The following XKR6 variants were observed in gnomAD, a reference collection of about 807,000 sequenced individuals.
XKR6 encodes XK-related protein 6.
XKR6 carries 22 observed loss-of-function variants against 56.7 expected under a neutral mutation model. That is an observed-to-expected ratio of 0.39 (90% confidence interval 0.28 to 0.55). XKR6 has a LOEUF of 0.55. Ranked by LOEUF, XKR6 falls within the 20% of genes least tolerant of loss-of-function variation. The pLI, the probability that XKR6 is intolerant of heterozygous loss-of-function variation, is 0.66. For missense variants in XKR6, 852 were observed against 889.0 expected, an observed-to-expected ratio of 0.96 and a Z score of 0.53; for synonymous variants, 524 against 387.8, an observed-to-expected ratio of 1.35 and a Z score of -4.13.
chr8:10,989,864 T>C (rs2129140001), intron 1 of XKR6, among the ~76,000 whole-genome samples: 1 of 152,340 alleles, frequency 6.6e-6, no homozygotes, highest in South Asian at 2.1e-4. Flanking sequence ...GTAAAAATGA[T>C]CTAGCCATAC....
intron 1 of XKR6, among the ~76,000 whole-genome samples, chr8:11,042,527 C>G (rs1799311124): frequency 6.6e-6 from 1 of 152,216 alleles, no homozygotes; most frequent in Non-Finnish European, 1.5e-5. Flanking sequence ...TCTTTGCCTT[C>G]TGCCATGATT....
intron 1 of XKR6, among the ~76,000 whole-genome samples, chr8:10,979,306 C>T (rs1037964930): frequency 1.4e-4 from 22 of 151,850 alleles, no homozygotes; most frequent in African/African-American, 9.7e-5. Context: ...ATAAGTTAAC[C>T]GAATAATGCT....
At chr8:11,120,817 T>C (rs1305542220) in intron 1 of XKR6, among the ~76,000 whole-genome samples, 1 of 152,198 alleles carries the variant, frequency 6.6e-6, no homozygotes. Flanking sequence ...CAAAACAGCA[T>C]GGTACTGGTA....
chr8:11,114,424 G>T (rs980663278), intron 1 of XKR6, among the ~76,000 whole-genome samples: 1 of 152,106 alleles, frequency 6.6e-6, no homozygotes, highest in Non-Finnish European at 1.5e-5. Context: ...GCAGTGGCAT[G>T]GATCTCAGCT....
intron 1 of XKR6, among the ~76,000 whole-genome samples, chr8:10,966,613 G>T (rs1021444572): frequency 1.3e-5 from 2 of 152,200 alleles, no homozygotes; most frequent in African/African-American, 4.8e-5. Flanking sequence ...GGCGGAGCTT[G>T]CAGTGAGCTG....
At chr8:11,112,417 GA>G (rs917133052) in intron 1 of XKR6, among the ~76,000 whole-genome samples, 3 of 145,142 alleles carry the variant, frequency 2.1e-5, no homozygotes, top group Non-Finnish European at 4.6e-5. Context: ...TTTTGAAAAA[GA>G]AAAAAAAACA....
At chr8:11,114,099 AT>A (rs1328039211) in intron 1 of XKR6, 1 of 443,912 alleles carries the variant, frequency 2.3e-6, no homozygotes, top group Non-Finnish European at 4.5e-6. Context: ...AGAGCTAAAA[AT>A]AAAAATACAT....
chr8:11,126,019 T>C (rs1799768377), intron 1 of XKR6: 1 of 152,264 alleles, frequency 6.6e-6, no homozygotes, highest in Non-Finnish European at 1.5e-5. Flanking sequence ...AGTCTGCTCT[T>C]CTATAACCTA....
intron 1 of XKR6, among the ~76,000 whole-genome samples, chr8:11,173,482 G>C (rs1210368081): frequency 6.6e-6 from 1 of 151,874 alleles, no homozygotes; most frequent in Non-Finnish European, 1.5e-5. Flanking sequence ...AGCATCGTCA[G>C]AACATGATTC....
chr8:10,936,076 G>A (rs1452967393), intron 1 of XKR6, among the ~76,000 whole-genome samples: 1 of 150,490 alleles, frequency 6.6e-6, no homozygotes, highest in Non-Finnish European at 1.5e-5. Flanking sequence ...TTATGAATCT[G>A]GGTGCTCCTG....
chr8:10,969,059 C>T (rs1209899695), intron 1 of XKR6, among the ~76,000 whole-genome samples: 2 of 152,196 alleles, frequency 1.3e-5, no homozygotes, highest in African/African-American at 4.8e-5. Flanking sequence ...GGGTCCTAAA[C>T]TTGAGTGCGC....
intron 1 of XKR6, among the ~76,000 whole-genome samples, chr8:10,939,977 T>C (rs1237213862): frequency 6.6e-6 from 1 of 152,018 alleles, no homozygotes; most frequent in Non-Finnish European, 1.5e-5. Context: ...GCACAAGGGG[T>C]GTCAATCCTG....
intron 1 of XKR6, among the ~76,000 whole-genome samples, chr8:10,950,288 T>G (rs1199216427): frequency 6.6e-6 from 1 of 152,236 alleles, no homozygotes; most frequent in Non-Finnish European, 1.5e-5. Context: ...TCTAGGTCCC[T>G]GCTGAAGCCA....
intron 1 of XKR6, among the ~76,000 whole-genome samples, chr8:10,978,185 C>T (rs1802623629): frequency 6.6e-6 from 1 of 152,166 alleles, no homozygotes; most frequent in Non-Finnish European, 1.5e-5. Context: ...CCTAACTCGC[C>T]ATGATTCAGA....
At position 11,178,594 on chromosome 8, in the gene XKR6, CACACACACAAATATATATATATAT is replaced by C. The variant is rs1156955577; in HGVS notation, c.764+21958_764+21981del. 1.8e-4 allele frequency among the ~76,000 whole-genome samples: 23 copies of C among 126,930 alleles called. No individual in the cohort carries two copies. The East Asian group carries it at 2.7e-3, about 15-fold the overall frequency. The allele number at this position is 126,930 out of a possible 152,430, so 83.3% of individuals were successfully genotyped here. On this transcript the variant is annotated intron_variant, in intron 1 of 2. Transcript: ENST00000416569. ...TATATGTATATATATATGTACTACA[CACACACACAAATATATATATATAT>C]ACACACACAAATATATATATACACA...
intron 1 of XKR6, among the ~76,000 whole-genome samples, chr8:11,077,033 G>C (rs969772873): frequency 2.0e-5 from 3 of 149,456 alleles, no homozygotes; most frequent in Non-Finnish European, 1.5e-5. Context: ...AAATTAGCTG[G>C]GCATGGTGGC....
intron 1 of XKR6, among the ~76,000 whole-genome samples, chr8:11,179,115 C>A (rs984535771): frequency 2.6e-5 from 4 of 151,318 alleles, no homozygotes; most frequent in African/African-American, 9.7e-5. Flanking sequence ...CATCAGCCTC[C>A]CAAAGTGCTG....
chr8:11,160,105 A>C (rs922120381), intron 1 of XKR6, among the ~76,000 whole-genome samples: 6 of 152,148 alleles, frequency 3.9e-5, no homozygotes, highest in African/African-American at 1.4e-4. Context: ...GTGAGGAAAA[A>C]ATGTTGTCAA....
At chr8:10,906,898 A>G (rs1563280891) in intron 2 of XKR6, among the ~76,000 whole-genome samples, 2 of 152,144 alleles carry the variant, frequency 1.3e-5, no homozygotes, top group African/African-American at 4.8e-5. Flanking sequence ...CAAAAACACA[A>G]TTAGCTGAGT....
Sources: allele counts gnomAD v4.1 joint callset (sites outside exome capture counted in the v4.1 genomes callset), GRCh38; gene constraint gnomAD v4.1.1; transcripts MANE v1.5; gene names NCBI Gene and HGNC (gene_info 2026-07-23, HGNC 2026-07-21).